SYNE1: variants seen among roughly 807,000 people sequenced by gnomAD.
SYNE1 encodes the protein spectrin repeat containing nuclear envelope protein 1.
Under a neutral mutation model 1,111.0 loss-of-function variants are expected in SYNE1, and 616 were observed. The observed-to-expected ratio is 0.55, with a 90% confidence interval of 0.52 to 0.59. SYNE1 has a LOEUF of 0.59. Ranked by LOEUF, SYNE1 falls within the 20% of genes least tolerant of loss-of-function variation. The probability of loss-of-function intolerance (pLI) is 0.00; values close to 1 mark genes in which losing one functional copy is unlikely to be tolerated. For missense variants in SYNE1, 10,006 were observed against 10,417.0 expected, an observed-to-expected ratio of 0.96 and a Z score of 1.72; for synonymous variants, 3,855 against 3,825.8, an observed-to-expected ratio of 1.01 and a Z score of -0.28.
At chr6:152,183,134 G>A (rs911169092) in intron 128 of SYNE1, among the ~76,000 whole-genome samples, 5 of 152,286 alleles carry the variant, frequency 3.3e-5, no homozygotes, top group Admixed American at 2.6e-4. Flanking sequence ...CTCTAGCTCT[G>A]AGAGCCGCGT....
chr6:152,290,484 G>A (rs975166368), intron 95 of SYNE1, among the ~76,000 whole-genome samples: 1 of 152,164 alleles, frequency 6.6e-6, no homozygotes, highest in African/African-American at 2.4e-5. Flanking sequence ...TTGAACCTGG[G>A]AGGTGAGGTT....
intron 29 of SYNE1, among the ~76,000 whole-genome samples, chr6:152,444,789 C>T (rs1173925970): frequency 6.6e-6 from 1 of 152,108 alleles, no homozygotes; most frequent in Non-Finnish European, 1.5e-5. Flanking sequence ...TTAAGGTCCA[C>T]TCTCGTAGCA....
chr6:152,240,541 T>A (rs1183374749), intron 107 of SYNE1, among the ~76,000 whole-genome samples: 1 of 152,230 alleles, frequency 6.6e-6, no homozygotes, highest in East Asian at 1.9e-4. Flanking sequence ...TAATAGACCC[T>A]GGAGAATGGA....
chr6:152,225,574 AGAGG>A, intron 116 of SYNE1, 143 bp downstream of exon 116: 1 of 916,514 alleles, frequency 1.1e-6, no homozygotes, highest in Non-Finnish European at 1.7e-6. Context: ...AAAAAAAAAA[AGAGG>A]ATAACGAAGT....
intron 55 of SYNE1, 194 bp from the exon 56 acceptor site, chr6:152,381,556 A>G: frequency 1.6e-6 from 1 of 626,238 alleles, no homozygotes; most frequent in Non-Finnish European, 2.8e-6. Flanking sequence ...CCTAAGGCTT[A>G]TGGCAAAAAA....
chr6:152,511,152 C>T, intron 6 of SYNE1, 49 bp from the exon 7 acceptor site: 1 of 1,510,542 alleles, frequency 6.6e-7, no homozygotes, highest in East Asian at 2.3e-5. Context: ...AATATTATAA[C>T]TCATTTAATT....
chr6:152,219,074 C>G lies in SYNE1; in HGVS notation c.21973G>C (p.Asp7325His). 6.2e-7 allele frequency: 1 copy of G among 1,614,140 alleles called. No individual in the cohort carries two copies. Among genetic ancestry groups the G allele is most frequent in the Non-Finnish European group, 8.5e-7 (1 of 1,180,020 alleles). Reference protein sequence around the residue: ...DASAASAIQSDQLSLSQHLCA... With the variant: ...DASAASAIQSHQLSLSQHLCA... ...AAGTGTTGACTCAAAGAGAGTTGAT[C>G]CGATTGAATAGCTGATGCTGCGGAA... is the stretch of plus-strand genomic sequence containing the variant. Residue 7325 changes from aspartate (D) to histidine (H), a missense_variant, in exon 120 of 146, where the codon GAT (aspartate) becomes CAT (histidine). Coordinates refer to ENST00000367255, the MANE Select transcript of SYNE1 (RefSeq NM_182961.4).
intron 91 of SYNE1, among the ~76,000 whole-genome samples, chr6:152,307,353 C>T (rs2095412284): frequency 6.6e-6 from 1 of 152,024 alleles, no homozygotes; most frequent in Non-Finnish European, 1.5e-5. Flanking sequence ...CAAAGCAATA[C>T]CTTGAATCTT....
intron 3 of SYNE1, among the ~76,000 whole-genome samples, chr6:152,606,156 G>T (rs1481879876): frequency 6.6e-6 from 1 of 152,074 alleles, no homozygotes; most frequent in Non-Finnish European, 1.5e-5. Context: ...CTGTAGTGTG[G>T]CAAGAAGGGG....
At chr6:152,271,036 C>G (rs1311635935) in intron 98 of SYNE1, among the ~76,000 whole-genome samples, 1 of 152,144 alleles carries the variant, frequency 6.6e-6, no homozygotes, top group Non-Finnish European at 1.5e-5. Context: ...ACGGAGGAGC[C>G]TCCTGCCATC....
At chr6:152,564,124 A>T (rs1168998568) in intron 3 of SYNE1, among the ~76,000 whole-genome samples, 1 of 152,210 alleles carries the variant, frequency 6.6e-6, no homozygotes, top group Non-Finnish European at 1.5e-5. Flanking sequence ...TTAAGCAAGA[A>T]ATGTTTACAG....
chr6:152,227,493 AT>A (rs1185210382), intron 115 of SYNE1, among the ~76,000 whole-genome samples: 1 of 152,190 alleles, frequency 6.6e-6, no homozygotes, highest in East Asian at 1.9e-4. Context: ...CCACTCTATA[AT>A]TTTGTCACTA....
chr6:152,188,969 AAAAAAAAAAAAAAAAATAT>A (rs1347718427), intron 128 of SYNE1, among the ~76,000 whole-genome samples: 76 of 55,684 alleles, frequency 1.4e-3, no homozygotes, highest in African/African-American at 6.2e-3. Context: ...AAAAAAAAAA[AAAAAAAAAAAAAAAAATAT>A]ATATATATAT....
intron 87 of SYNE1, among the ~76,000 whole-genome samples, chr6:152,312,078 A>G (rs2095569976): frequency 6.6e-6 from 1 of 151,984 alleles, no homozygotes; most frequent in African/African-American, 2.4e-5. Flanking sequence ...GCCACTGCGC[A>G]CAGCCGGCGA....
intron 25 of SYNE1, among the ~76,000 whole-genome samples, chr6:152,452,363 A>G (rs555844174): frequency 8.5e-5 from 13 of 152,174 alleles, no homozygotes; most frequent in Non-Finnish European, 1.6e-4. Context: ...TCCATAATAC[A>G]TTTACAATAT....
chr6:152,509,675 C>CA (rs1000781920), intron 8 of SYNE1, among the ~76,000 whole-genome samples: 31 of 150,550 alleles, frequency 2.1e-4, no homozygotes, highest in Admixed American at 1.7e-3. Context: ...CTAGAGTTGA[C>CA]AAAAAAATCT....
intron 56 of SYNE1, among the ~76,000 whole-genome samples, chr6:152,377,754 G>A (rs539232633): frequency 6.9e-6 from 1 of 143,910 alleles, no homozygotes; most frequent in Non-Finnish European, 1.5e-5. Flanking sequence ...TATAATCCAT[G>A]AGTCTGGTTT....
At position 152,441,123 on chromosome 6, in the gene SYNE1, A is replaced by G. The variant is rs2098526380; in HGVS notation, c.4149+7T>C. ...TGAATATTGGGTACCAAGGAGCCATAATATACCTTTGTTTGTTCCAGTTCT... is the reference window on the plus strand; with the variant it reads ...TGAATATTGGGTACCAAGGAGCCATGATATACCTTTGTTTGTTCCAGTTCT... On this transcript the variant is annotated splice_region_variant and intron_variant, in intron 32 of 145. Transcript: ENST00000367255. 6.2e-7 allele frequency: 1 copy of G among 1,613,218 alleles called. No individual in the cohort carries two copies. Among genetic ancestry groups the G allele is most frequent in the African/African-American group, 1.3e-5 (1 of 74,902 alleles).
intron 117 of SYNE1, among the ~76,000 whole-genome samples, chr6:152,224,222 T>C (rs2080926040): frequency 6.6e-6 from 1 of 152,192 alleles, no homozygotes; most frequent in African/African-American, 2.4e-5. Flanking sequence ...CAGTTGGGCA[T>C]AAAATCATTG....
Sources: gnomAD v4.1 joint callset for allele counts (sites outside exome capture counted in the v4.1 genomes callset) on GRCh38, gnomAD v4.1.1 for gene constraint, MANE v1.5 for transcripts, NCBI Gene and HGNC (gene_info 2026-07-23, HGNC 2026-07-21) for gene names.